The following BAZ2B variants were observed in gnomAD, a reference collection of about 807,000 sequenced individuals.
The protein encoded by BAZ2B is bromodomain adjacent to zinc finger domain protein 2B.
In BAZ2B, 91 loss-of-function variants were observed where a neutral mutation model predicts 246.0. That is an observed-to-expected ratio of 0.37 (90% confidence interval 0.31 to 0.44). The LOEUF (loss-of-function observed/expected upper bound fraction) is 0.44. Ranked by LOEUF, BAZ2B falls within the 20% of genes least tolerant of loss-of-function variation. BAZ2B has a pLI of 1.00. For synonymous variants in BAZ2B, 855 were observed against 860.0 expected (o/e 0.99, Z 0.10); for missense variants, 2,332 against 2,533.7 (o/e 0.92, Z 1.71).
At chr2:159,529,516 A>G (rs764205593) in intron 2 of BAZ2B, among the ~76,000 whole-genome samples, 1 of 151,906 alleles carries the variant, frequency 6.6e-6, no homozygotes, top group African/African-American at 2.4e-5. Context: ...ACATGGCTCA[A>G]CTCCCTCACT....
chr2:159,408,474 G>A (rs2066304350), intron 14 of BAZ2B, among the ~76,000 whole-genome samples: 1 of 152,096 alleles, frequency 6.6e-6, no homozygotes, highest in African/African-American at 2.4e-5. Context: ...TGTCTGGCCA[G>A]TAATTTAAAA....
At chr2:159,595,749 G>A (rs1383508478) in intron 1 of BAZ2B, among the ~76,000 whole-genome samples, 1 of 152,158 alleles carries the variant, frequency 6.6e-6, no homozygotes, top group East Asian at 1.9e-4. Context: ...ACAAGCGGAG[G>A]TACTATCAGT....
chr2:159,557,426 C>G (rs961980633), intron 1 of BAZ2B, among the ~76,000 whole-genome samples: 2 of 152,110 alleles, frequency 1.3e-5, no homozygotes, highest in African/African-American at 2.4e-5. Flanking sequence ...CCCTCTGTTA[C>G]CTGGTGCCCT....
intron 20 of BAZ2B, among the ~76,000 whole-genome samples, chr2:159,393,507 T>C (rs1460597418): frequency 1.3e-5 from 2 of 152,234 alleles, no homozygotes; most frequent in East Asian, 3.9e-4. Context: ...TAATAACTTG[T>C]ATTGCTCCAA....
At chr2:159,644,568 C>G in the BAZ2B span, among the ~76,000 whole-genome samples, 1 of 152,184 alleles carries the variant, frequency 6.6e-6, no homozygotes. Context: ...TTATTCTTCC[C>G]TTTCCTTGAG....
chr2:159,393,571 T>C (rs1034938445), intron 20 of BAZ2B, among the ~76,000 whole-genome samples: 1 of 152,206 alleles, frequency 6.6e-6, no homozygotes, highest in Non-Finnish European at 1.5e-5. Flanking sequence ...CTACCTGTTT[T>C]TAGACTTAAA....
At position 159,386,416 on chromosome 2, in the gene BAZ2B, T is replaced by G; in HGVS notation, c.3408A>C (p.Gln1136His). ...CTGAGAGGAGCCTCACAAGCAAGTC[T>G]TGTACTTCACCCATGCTGTCCCCTA... is the stretch of plus-strand genomic sequence containing the variant. The part of the protein sequence containing the change: ...LNIGDSMGEV[Q>H]DLLVRLLSAA... Residue 1136 changes from glutamine to histidine, a missense_variant, in exon 22 of 37, where the codon CAA becomes CAC. Coordinates refer to ENST00000392783, the MANE Select transcript of BAZ2B (RefSeq NM_013450.4). The G allele has an allele frequency of 1.2e-6, 2 of 1,613,564 alleles. No homozygotes were observed. Among genetic ancestry groups the G allele is most frequent in the Non-Finnish European group, 1.7e-6 (2 of 1,179,686 alleles).
chr2:159,388,237 A>G (rs919005269), intron 21 of BAZ2B, among the ~76,000 whole-genome samples: 1 of 152,144 alleles, frequency 6.6e-6, no homozygotes, highest in African/African-American at 2.4e-5. Flanking sequence ...AATTAAGTAT[A>G]ATAATATAGA....
rs779148038 is a variant in BAZ2B at position 159,453,747 on chromosome 2, C to T, written c.200G>A (p.Ser67Asn). ...DQPFNLSTVS[S>N]AFPMVSHPVF... is the part of the protein sequence containing the mutation. Reference sequence around the variant, plus strand: ...TGGGTGGCTGACCATTGGGAAGGCACTCGACACTGTGGACAGGTTAAACGG... The same window carrying T: ...TGGGTGGCTGACCATTGGGAAGGCATTCGACACTGTGGACAGGTTAAACGG... The change falls in exon 4 of 37, where the codon AGT becomes AAT. Residue 67 changes from serine to asparagine, a missense_variant. Ser to Asn is a conservative substitution (Grantham distance 46). Around this residue, in one of 9 missense-constraint regions of BAZ2B, gnomAD observed 242 missense variants for 237.4 expected, o/e 1.02. Transcript: ENST00000392783. The T allele has an allele frequency of 2.5e-6, 4 of 1,613,310 alleles. No homozygotes were observed. The highest frequency in any genetic ancestry group is 3.4e-6 in the Non-Finnish European group (4 of 1,179,640).
chr2:159,358,192 C>T (rs2059318418), intron 27 of BAZ2B, among the ~76,000 whole-genome samples: 1 of 152,186 alleles, frequency 6.6e-6, no homozygotes, highest in African/African-American at 2.4e-5. Flanking sequence ...AGTCAAGACC[C>T]TTTGGTGTGC....
At chr2:159,566,954 C>A (rs1682745650) in intron 1 of BAZ2B, among the ~76,000 whole-genome samples, 1 of 151,830 alleles carries the variant, frequency 6.6e-6, no homozygotes, top group Non-Finnish European at 1.5e-5. Flanking sequence ...ATTAAAAATG[C>A]ATTCAGGGGC....
At chr2:159,555,998 G>T (rs1433230527) in intron 1 of BAZ2B, 133 bp from the exon 2 acceptor site, 3 of 152,142 alleles carry the variant, frequency 2.0e-5, no homozygotes, top group Non-Finnish European at 4.4e-5. Context: ...CGGTATCAGG[G>T]TCCATATAAT....
At chr2:159,580,428 A>G (rs558097330) in intron 1 of BAZ2B, among the ~76,000 whole-genome samples, 1 of 152,344 alleles carries the variant, frequency 6.6e-6, no homozygotes, top group East Asian at 1.9e-4. Context: ...ACACAAACAA[A>G]TAGAAGAACA....
chr2:159,658,447 C>T, the BAZ2B span, among the ~76,000 whole-genome samples: 10 of 152,132 alleles, frequency 6.6e-5, no homozygotes, highest in African/African-American at 2.2e-4. Context: ...GATCCTCTCA[C>T]CTAGGCCTCA....
At chr2:159,699,585 A>T in the BAZ2B span, among the ~76,000 whole-genome samples, 1 of 152,276 alleles carries the variant, frequency 6.6e-6, no homozygotes, top group East Asian at 1.9e-4. Context: ...CTGATTTTTC[A>T]AAGTTTATTC....
chr2:159,399,393 A>G (rs1388344909), intron 17 of BAZ2B, among the ~76,000 whole-genome samples: 3 of 151,982 alleles, frequency 2.0e-5, no homozygotes, highest in Non-Finnish European at 4.4e-5. Context: ...AGATAAAGAA[A>G]TTCATTATTG....
At chr2:159,667,503 C>G in the BAZ2B span, among the ~76,000 whole-genome samples, 3 of 151,516 alleles carry the variant, frequency 2.0e-5, no homozygotes, top group East Asian at 5.8e-4. Flanking sequence ...GTCTGAGGCA[C>G]GAGAATCGCT....
At position 159,562,892 on chromosome 2, in the gene BAZ2B, C is replaced by T. The variant is rs146137751; in HGVS notation, c.-45-7027G>A. Among the ~76,000 whole-genome samples, 392 of 152,112 alleles carry T rather than the reference C, an allele frequency of 2.6e-3. No homozygotes were observed. In the Middle Eastern group the frequency reaches 0.044, roughly 17 times the overall value. On this transcript the variant is annotated intron_variant, in intron 1 of 36. Coordinates refer to ENST00000392783, the MANE Select transcript of BAZ2B (RefSeq NM_013450.4). ...AAGATTGCTTTTTTTAAAAAAATCA[C>T]TCAAATAAGCCAGCAATCAAGACAA...
At chr2:159,558,564 C>G (rs532056190) in intron 1 of BAZ2B, among the ~76,000 whole-genome samples, 2 of 152,006 alleles carry the variant, frequency 1.3e-5, no homozygotes, top group South Asian at 4.2e-4. Flanking sequence ...CCGGCTCCAG[C>G]AGGTAGAAAT....
Sources: allele counts gnomAD v4.1 joint callset (sites outside exome capture counted in the v4.1 genomes callset), GRCh38; gene constraint gnomAD v4.1.1; regional missense constraint gnomAD v4.1.1; transcripts MANE v1.5; gene names NCBI Gene and HGNC (gene_info 2026-07-23, HGNC 2026-07-21).